PARVA: variants seen among roughly 807,000 people sequenced by gnomAD.
PARVA encodes parvin alpha, also known as alpha-parvin.
A neutral mutation model predicts 52.6 loss-of-function variants in PARVA; 25 were observed. The observed-to-expected ratio is 0.48, with a 90% CI of 0.35 to 0.66. The LOEUF is 0.66. Among genes scored for constraint, PARVA ranks in the 30% least tolerant of loss-of-function variants. The pLI, the probability that PARVA is intolerant of heterozygous loss-of-function variation, is 0.01. For missense variants in PARVA, 373 were observed against 450.9 expected, an observed-to-expected ratio of 0.83 and a Z score of 1.56; for synonymous variants, 185 against 179.1, an observed-to-expected ratio of 1.03 and a Z score of -0.26.
In PARVA at chr11:12,533,749, A is replaced by G. The variant is rs983556569; in HGVS notation, c.*5824A>G. On this transcript the variant is annotated 3_prime_UTR_variant, in exon 13 of 13. Transcript: ENST00000334956. The stretch of plus-strand genomic sequence containing the variant: ...ATAAGCAAGAGAAAATATATTTACT[A>G]TTAAGTGAAAGCAGGTCATCATAAA... 6.6e-6 allele frequency among the ~76,000 whole-genome samples: 1 copy of G among 152,202 alleles called. No individual in the cohort carries two copies. Among genetic ancestry groups the G allele is most frequent in the Admixed American group, 6.5e-5 (1 of 15,280 alleles).
chr11:12,435,191 C>G (rs1011423603), intron 1 of PARVA, among the ~76,000 whole-genome samples: 5 of 152,216 alleles, frequency 3.3e-5, no homozygotes, highest in African/African-American at 4.8e-5. Context: ...TGAAGCTCTC[C>G]TCTTCCTCAG....
chr11:12,396,001 G>A (rs1333815373), intron 1 of PARVA, among the ~76,000 whole-genome samples: 1 of 152,198 alleles, frequency 6.6e-6, no homozygotes, highest in Non-Finnish European at 1.5e-5. Context: ...TCCATCTTCA[G>A]CATCTTTTCC....
chr11:12,432,110 A>G (rs1387096621), intron 1 of PARVA, among the ~76,000 whole-genome samples: 1 of 152,136 alleles, frequency 6.6e-6, no homozygotes, highest in Non-Finnish European at 1.5e-5. Flanking sequence ...ATTAACGTAA[A>G]ATTTTTCCTA....
In PARVA at chr11:12,377,687, T is replaced by C. The variant is rs767292001; in HGVS notation, c.40T>C (p.Ser14Pro). 1.3e-6 allele frequency: 2 copies of C among 1,567,816 alleles called. No homozygotes were observed. The highest frequency in any genetic ancestry group is 1.9e-5 in the Admixed American group (1 of 52,352). Residue 14 changes from serine to proline, a missense_variant, in exon 1 of 13, where the codon TCT (serine) becomes CCT (proline). Physicochemically the swap from Ser to Pro is moderately conservative, Grantham distance 74. Coordinates refer to ENST00000334956, the MANE Select transcript of PARVA (RefSeq NM_018222.5). ...SPQKSPSVPK[S>P]PTPKSPPSRK... is the part of the protein sequence containing the mutation. Reference sequence around the variant, plus strand: ...GCAGAAGTCGCCTTCTGTCCCCAAGTCTCCCACTCCCAAGTCGCCCCCGTC... The same window carrying C: ...GCAGAAGTCGCCTTCTGTCCCCAAGCCTCCCACTCCCAAGTCGCCCCCGTC...
chr11:12,533,737 A>G lies in PARVA; in HGVS notation c.*5812A>G, dbSNP rs902149799. 2.6e-5 allele frequency among the ~76,000 whole-genome samples: 4 copies of G among 152,156 alleles called. No homozygotes were observed. The highest frequency in any genetic ancestry group is 4.4e-5 in the Non-Finnish European group (3 of 68,034). ...ACTAAGAAAAACATAAGCAAGAGAA[A>G]ATATATTTACTATTAAGTGAAAGCA... On this transcript the variant is annotated 3_prime_UTR_variant, in exon 13 of 13. Coordinates refer to ENST00000334956, the MANE Select transcript of PARVA (RefSeq NM_018222.5).
intron 1 of PARVA, among the ~76,000 whole-genome samples, chr11:12,405,328 A>G (rs1939887110): frequency 6.6e-6 from 1 of 152,222 alleles, no homozygotes; most frequent in African/African-American, 2.4e-5. Context: ...CACTGAATTC[A>G]AATTACATTG....
Position 12,496,552 on chromosome 11 carries a change from T to G in PARVA, c.495T>G (p.Asn165Lys), listed in dbSNP as rs777313656. 6 of 1,611,828 alleles carry G rather than the reference T, an allele frequency of 3.7e-6. No individual in the cohort carries two copies. In the Admixed American group the frequency reaches 1.0e-4, roughly 27 times the overall value. Residue 165 changes from asparagine (N) to lysine (K), a missense_variant, in exon 5 of 13, where the codon AAT (asparagine) becomes AAG (lysine). Coordinates refer to ENST00000334956, the MANE Select transcript of PARVA (RefSeq NM_018222.5). ...TGCAGACTGTCCTGGAGAAGATCAA[T>G]GAAACCCTGAAACTTCCTCCCAGGA... Reference protein sequence around the residue: ...QKLQTVLEKINETLKLPPRSI... With the variant: ...QKLQTVLEKIKETLKLPPRSI...
intron 5 of PARVA, among the ~76,000 whole-genome samples, chr11:12,501,319 C>T (rs1224801194): frequency 6.6e-6 from 1 of 151,398 alleles, no homozygotes; most frequent in Non-Finnish European, 1.5e-5. Context: ...TAGATATATA[C>T]ACATATACAC....
chr11:12,484,698 G>A (rs541750517), intron 4 of PARVA, among the ~76,000 whole-genome samples: 2 of 151,944 alleles, frequency 1.3e-5, no homozygotes, highest in South Asian at 2.1e-4. Flanking sequence ...GTCATATGCT[G>A]TCTTGTGGAA....
intron 4 of PARVA, among the ~76,000 whole-genome samples, chr11:12,484,228 T>C (rs1185370421): frequency 6.6e-6 from 1 of 152,218 alleles, no homozygotes; most frequent in Non-Finnish European, 1.5e-5. Flanking sequence ...CATTTGAACA[T>C]GGCCCACTGC....
At chr11:12,446,422 GA>G (rs1459705708) in intron 1 of PARVA, among the ~76,000 whole-genome samples, 6 of 152,058 alleles carry the variant, frequency 3.9e-5, no homozygotes, top group Non-Finnish European at 5.9e-5. Context: ...TTCCTTCCTA[GA>G]GAACAGTGTG....
rs990711945 is a variant in PARVA at position 12,534,411 on chromosome 11, C to T, written c.*6486C>T. The stretch of plus-strand genomic sequence containing the variant: ...TGAGCAGCCTGTGTTCCTGCCTCAA[C>T]TCCCCTGAACCCTCCTGAACTTTCT... On this transcript the variant is annotated 3_prime_UTR_variant, in exon 13 of 13. Transcript: ENST00000334956. 1.3e-5 allele frequency among the ~76,000 whole-genome samples: 2 copies of T among 152,178 alleles called. No individual in the cohort carries two copies. The highest frequency in any genetic ancestry group is 3.2e-3 in the Middle Eastern group (1 of 316).
intron 4 of PARVA, 124 bp from the exon 5 acceptor site, chr11:12,496,334 C>T (rs1040887607): frequency 5.1e-6 from 2 of 394,468 alleles, no homozygotes; most frequent in Admixed American, 8.2e-5. Flanking sequence ...CATCCAGTAT[C>T]TATTGTTGCA....
intron 1 of PARVA, among the ~76,000 whole-genome samples, chr11:12,447,338 C>T (rs1261158155): frequency 6.6e-6 from 1 of 152,166 alleles, no homozygotes; most frequent in African/African-American, 2.4e-5. Flanking sequence ...ATACCTTGCC[C>T]TGTGTCCCTT....
At chr11:12,466,380 C>T (rs1261162825) in intron 1 of PARVA, among the ~76,000 whole-genome samples, 1 of 150,438 alleles carries the variant, frequency 6.6e-6, no homozygotes, top group Non-Finnish European at 1.5e-5. Context: ...GATCTCAGCT[C>T]ACTGCAACCT....
At chr11:12,416,568 T>C (rs1211229609) in intron 1 of PARVA, among the ~76,000 whole-genome samples, 1 of 152,052 alleles carries the variant, frequency 6.6e-6, no homozygotes. Flanking sequence ...CTTCGCCGAC[T>C]CCAGCGCCAT....
At chr11:12,389,391 G>A (rs1270670451) in intron 1 of PARVA, among the ~76,000 whole-genome samples, 4 of 152,048 alleles carry the variant, frequency 2.6e-5, no homozygotes, top group Non-Finnish European at 4.4e-5. Flanking sequence ...CTGAGCCCTC[G>A]CCACTCCTGT....
intron 1 of PARVA, among the ~76,000 whole-genome samples, chr11:12,465,383 A>T (rs1016934884): frequency 6.6e-6 from 1 of 151,914 alleles, no homozygotes; most frequent in Non-Finnish European, 1.5e-5. Flanking sequence ...TGTAAGAAAT[A>T]TTTTTTTTCT....
intron 1 of PARVA, among the ~76,000 whole-genome samples, chr11:12,385,373 G>T (rs1478330735): frequency 1.3e-5 from 2 of 152,182 alleles, no homozygotes; most frequent in Non-Finnish European, 1.5e-5. Context: ...ACCCAGCTGA[G>T]AGATGGTAGT....
Sources: allele counts gnomAD v4.1 joint callset (sites outside exome capture counted in the v4.1 genomes callset), GRCh38; gene constraint gnomAD v4.1.1; transcripts MANE v1.5; gene names NCBI Gene and HGNC (gene_info 2026-07-23, HGNC 2026-07-21).